Variants in MIAT observed in about 807,000 individuals in gnomAD.
MIAT encodes the protein myocardial infarction associated transcript.
chr22:26,653,451 C>T (rs929213671), intron 2 of MIAT, among the ~76,000 whole-genome samples: 8 of 152,054 alleles, frequency 5.3e-5, no homozygotes, highest in African/African-American at 1.2e-4. Flanking sequence ...TTTGTAACAG[C>T]GAAACAGCAA....
At chr22:26,668,167 T>C (rs771468531) in exon 6 of MIAT, 6 of 398,510 alleles carry the variant, frequency 1.5e-5, no homozygotes, top group Non-Finnish European at 2.2e-5. Flanking sequence ...GGTGGCTCCA[T>C]CTGGGCCGCA....
chr22:26,674,356 G>A (rs1042702497), downstream of MIAT: 8 of 398,658 alleles, frequency 2.0e-5, no homozygotes, highest in Admixed American at 1.3e-4. Context: ...GGGATTCCAG[G>A]TGCAGGTAAA....
downstream of MIAT, chr22:26,673,214 C>G: frequency 2.5e-6 from 1 of 398,826 alleles, no homozygotes; most frequent in Non-Finnish European, 4.4e-6. Flanking sequence ...ATCTCTGGCT[C>G]TCTGTTCCCA....
intron 2 of MIAT, among the ~76,000 whole-genome samples, chr22:26,648,462 G>T (rs1310075246): frequency 6.6e-6 from 1 of 152,128 alleles, no homozygotes; most frequent in African/African-American, 2.4e-5. Context: ...CCTCAGGCAA[G>T]GTCTCCTGGC....
At chr22:26,665,660 G>T (rs1930820655) in exon 4 of MIAT, 3 of 398,652 alleles carry the variant, frequency 7.5e-6, no homozygotes, top group Non-Finnish European at 1.3e-5. Context: ...CTACCAGCCT[G>T]CCCTCTTCTG....
chr22:26,656,388 G>A (rs1248795818), intron 2 of MIAT, among the ~76,000 whole-genome samples: 2 of 149,874 alleles, frequency 1.3e-5, no homozygotes, highest in East Asian at 2.0e-4. Flanking sequence ...ACAGTGGCGC[G>A]ACCTCGGCTC....
intron 2 of MIAT, among the ~76,000 whole-genome samples, chr22:26,654,470 A>G (rs1194212465): frequency 2.0e-5 from 3 of 152,180 alleles, no homozygotes; most frequent in Admixed American, 6.5e-5. Context: ...GGTGACCTCT[A>G]TGGATCCCCT....
At chr22:26,656,884 G>C (rs1042832487) in intron 2 of MIAT, among the ~76,000 whole-genome samples, 1 of 152,126 alleles carries the variant, frequency 6.6e-6, no homozygotes, top group Non-Finnish European at 1.5e-5. Flanking sequence ...ACTTCAGCCG[G>C]GGTGACAGAG....
chr22:26,669,833 G>A, downstream of MIAT: 1 of 398,874 alleles, frequency 2.5e-6, no homozygotes, highest in Non-Finnish European at 4.4e-6. Flanking sequence ...CAGGGAGGCG[G>A]AGGCCCTGGG....
intron 2 of MIAT, among the ~76,000 whole-genome samples, chr22:26,659,450 A>G (rs1930577292): frequency 6.6e-6 from 1 of 152,172 alleles, no homozygotes; most frequent in African/African-American, 2.4e-5. Flanking sequence ...ACTCCTTAAC[A>G]GGGAAGAGTG....
At chr22:26,660,828 A>G (rs1450052539) in intron 2 of MIAT, 1 of 152,216 alleles carries the variant, frequency 6.6e-6, no homozygotes, top group Non-Finnish European at 1.5e-5. Context: ...TCCGTGTGCA[A>G]ATCCTTCTCT....
intron 2 of MIAT, among the ~76,000 whole-genome samples, chr22:26,648,575 T>G (rs1437880720): frequency 2.6e-5 from 4 of 151,332 alleles, no homozygotes; most frequent in Admixed American, 2.6e-4. Context: ...TTTTTTTGTC[T>G]TAATGGAAAA....
intron 2 of MIAT, among the ~76,000 whole-genome samples, chr22:26,651,602 G>C (rs757667622): frequency 3.3e-5 from 5 of 152,214 alleles, no homozygotes; most frequent in Non-Finnish European, 7.3e-5. Flanking sequence ...CCTGTTCATA[G>C]CAGCGCTATT....
chr22:26,673,835 A>G, downstream of MIAT: 1 of 398,674 alleles, frequency 2.5e-6, no homozygotes, highest in African/African-American at 2.1e-5. Flanking sequence ...CTGATGGAGC[A>G]GTGGTACCCA....
At chr22:26,663,474 G>A (rs965636577) in intron 3 of MIAT, 9 of 397,810 alleles carry the variant, frequency 2.3e-5, no homozygotes, top group Admixed American at 4.4e-5. Context: ...GATCCATCAC[G>A]AAATCCGTAT....
At chr22:26,647,848 A>G (rs1295615409) in intron 2 of MIAT, among the ~76,000 whole-genome samples, 3 of 151,632 alleles carry the variant, frequency 2.0e-5, no homozygotes. Context: ...GACTTGGCGG[A>G]ATGTTCCAGA....
At chr22:26,667,286 G>T (rs1157073184) in exon 5 of MIAT, 6 of 398,338 alleles carry the variant, frequency 1.5e-5, no homozygotes, top group African/African-American at 1.2e-4. Flanking sequence ...GTCAGAACAC[G>T]CTTTATTACA....
At chr22:26,668,250 G>A (rs185349117) in exon 6 of MIAT, 2 of 398,642 alleles carry the variant, frequency 5.0e-6, no homozygotes, top group East Asian at 3.6e-5. Flanking sequence ...GTGACTTAGC[G>A]GTCAGACTCC....
exon 5 of MIAT, chr22:26,675,651 G>A: frequency 2.5e-6 from 1 of 398,684 alleles, no homozygotes; most frequent in East Asian, 3.6e-5. Flanking sequence ...AGGCTCGGAA[G>A]GGGAGCAATC....
Sources: allele counts gnomAD v4.1 joint callset (sites outside exome capture counted in the v4.1 genomes callset), GRCh38; gene constraint gnomAD v4.1.1; transcripts MANE v1.5; gene names NCBI Gene and HGNC (gene_info 2026-07-23, HGNC 2026-07-21).